CNOT6L: variants seen among roughly 807,000 people sequenced by gnomAD.
The protein encoded by CNOT6L is CCR4-NOT transcription complex subunit 6-like.
A neutral mutation model predicts 64.0 loss-of-function variants in CNOT6L; 7 were observed. The ratio of observed to expected loss-of-function variants is 0.11; its 90% CI spans 0.06 to 0.21. The LOEUF is 0.21. Ranked by LOEUF, CNOT6L falls within the 10% of genes least tolerant of loss-of-function variation. The pLI is 1.00. For synonymous variants in CNOT6L, 193 were observed against 243.4 expected, an observed-to-expected ratio of 0.79 and a Z score of 1.93; for missense variants, 245 against 669.0, an observed-to-expected ratio of 0.37 and a Z score of 6.99.
intron 8 of CNOT6L, among the ~76,000 whole-genome samples, chr4:77,737,470 G>A (rs1014549950): frequency 2.1e-5 from 3 of 139,946 alleles, no homozygotes; most frequent in Non-Finnish European, 4.5e-5. Context: ...CACCCAGGCT[G>A]GAGTGCAACG....
At chr4:77,762,901 C>A (rs1726399147) in intron 4 of CNOT6L, among the ~76,000 whole-genome samples, 1 of 152,104 alleles carries the variant, frequency 6.6e-6, no homozygotes, top group African/African-American at 2.4e-5. Flanking sequence ...TCAACATTCA[C>A]TGAACTATAC....
At chr4:77,760,151 C>T (rs1726034281) in intron 4 of CNOT6L, among the ~76,000 whole-genome samples, 2 of 152,030 alleles carry the variant, frequency 1.3e-5, no homozygotes, top group Non-Finnish European at 1.5e-5. Context: ...AGTGGGAGAA[C>T]TCCATGAGGC....
intron 1 of CNOT6L, among the ~76,000 whole-genome samples, chr4:77,788,610 C>A (rs1729732924): frequency 6.6e-6 from 1 of 152,114 alleles, no homozygotes; most frequent in Non-Finnish European, 1.5e-5. Context: ...TGCCTGTAGT[C>A]CCAGCTACTC....
intron 8 of CNOT6L, among the ~76,000 whole-genome samples, chr4:77,732,788 T>C (rs1257796944): frequency 1.3e-5 from 2 of 152,084 alleles, no homozygotes; most frequent in Non-Finnish European, 2.9e-5. Flanking sequence ...CAAAAAGCAC[T>C]GCAAGTTTAT....
intron 1 of CNOT6L, among the ~76,000 whole-genome samples, chr4:77,789,065 A>T (rs1023906923): frequency 2.0e-5 from 3 of 152,192 alleles, no homozygotes; most frequent in East Asian, 1.9e-4. Flanking sequence ...TCAATTTTTT[A>T]ATTTTAAGCA....
chr4:77,771,309 A>G (rs925400808), intron 4 of CNOT6L, among the ~76,000 whole-genome samples: 9 of 152,190 alleles, frequency 5.9e-5, no homozygotes, highest in African/African-American at 2.2e-4. Flanking sequence ...CAGCCTGGGC[A>G]ACAAAAGTGA....
chr4:77,805,157 C>A (rs1355652116), intron 1 of CNOT6L, among the ~76,000 whole-genome samples: 1 of 152,146 alleles, frequency 6.6e-6, no homozygotes, highest in African/African-American at 2.4e-5. Flanking sequence ...TACCAAGAAA[C>A]TACTGTATAT....
rs1003647325 is a variant in CNOT6L at position 77,716,361 on chromosome 4, A to G, written c.*4070T>C. On this transcript the variant is annotated 3_prime_UTR_variant, in exon 12 of 12. Transcript: ENST00000504123. ...GCATTGGGACACAGTCAATTTTATC[A>G]TTAGAAAATCTAGCCATGTATTAGG... 2 of 152,240 alleles carry G rather than the reference A, an allele frequency of 1.3e-5. 1 individual carries two copies. Among genetic ancestry groups the G allele is most frequent in the South Asian group, 4.1e-4 (2 of 4,826 alleles). 9.4% of individuals were successfully genotyped at this position (152,240 alleles called of 1,614,324 possible). A position where few individuals can be genotyped will look rare whatever the true frequency, so the allele number is the denominator to read the frequency against.
At chr4:77,790,942 G>C (rs913706435) in intron 1 of CNOT6L, among the ~76,000 whole-genome samples, 3 of 151,232 alleles carry the variant, frequency 2.0e-5, no homozygotes, top group African/African-American at 4.9e-5. Context: ...TTACAGGCAT[G>C]ATGAGCCACT....
intron 1 of CNOT6L, among the ~76,000 whole-genome samples, chr4:77,782,660 TA>T (rs1204811821): frequency 9.4e-6 from 1 of 105,864 alleles, no homozygotes; most frequent in African/African-American, 3.5e-5. Context: ...TTTTTTTTTT[TA>T]AAGAGACAGT....
At chr4:77,788,823 G>GA (rs1474969150) in intron 1 of CNOT6L, among the ~76,000 whole-genome samples, 183 of 144,768 alleles carry the variant, frequency 1.3e-3, no homozygotes, top group Middle Eastern at 7.0e-3. Context: ...ATTCTAAACG[G>GA]AAAAAAAAAA....
At chr4:77,809,286 G>A (rs959511721) in intron 1 of CNOT6L, among the ~76,000 whole-genome samples, 1 of 152,034 alleles carries the variant, frequency 6.6e-6, no homozygotes, top group Admixed American at 6.6e-5. Context: ...GGAGGGGAGT[G>A]GCTTTTCACA....
chr4:77,769,649 T>A (rs1727315637), intron 4 of CNOT6L, among the ~76,000 whole-genome samples: 1 of 152,164 alleles, frequency 6.6e-6, no homozygotes, highest in Non-Finnish European at 1.5e-5. Flanking sequence ...TTAAAACAGG[T>A]ATTTAAAATA....
chr4:77,723,985 T>C (rs1456667700), intron 11 of CNOT6L, among the ~76,000 whole-genome samples: 1 of 152,214 alleles, frequency 6.6e-6, no homozygotes, highest in Admixed American at 6.5e-5. Context: ...CTAGGCTGGG[T>C]ACAGTGGCTC....
rs1488913117 is a variant in CNOT6L, at chr4:77,716,320, G to C, written c.*4111C>G. On this transcript the variant is annotated 3_prime_UTR_variant, in exon 12 of 12. Transcript: ENST00000504123. ...AATATCTCAGAAACAGAATAAAAAA[G>C]CTTAGAATCAAATAAGCATTGGGAC... 1.3e-5 allele frequency: 2 copies of C among 151,976 alleles called. No homozygotes were observed. Among genetic ancestry groups the C allele is most frequent in the Admixed American group, 6.6e-5 (1 of 15,220 alleles). The allele number at this position is 151,976 out of a possible 1,614,324, so 9.4% of individuals were successfully genotyped here. A position where few individuals can be genotyped will look rare whatever the true frequency, so the allele number is the denominator to read the frequency against.
intron 4 of CNOT6L, among the ~76,000 whole-genome samples, chr4:77,765,391 G>T (rs1285950208): frequency 6.6e-6 from 1 of 151,602 alleles, no homozygotes; most frequent in African/African-American, 2.4e-5. Context: ...TTTCTCAAAA[G>T]TTCTCATAAC....
At chr4:77,783,506 T>C (rs954099382) in intron 1 of CNOT6L, among the ~76,000 whole-genome samples, 1 of 152,236 alleles carries the variant, frequency 6.6e-6, no homozygotes, top group Non-Finnish European at 1.5e-5. Context: ...CATTGTTCTC[T>C]ACTGTCACTA....
At chr4:77,729,950 T>C (rs951543477) in intron 9 of CNOT6L, among the ~76,000 whole-genome samples, 1 of 152,102 alleles carries the variant, frequency 6.6e-6, no homozygotes, top group African/African-American at 2.4e-5. Flanking sequence ...AGTAACTCTA[T>C]AGAGAAATCA....
intron 1 of CNOT6L, among the ~76,000 whole-genome samples, chr4:77,811,125 T>A (rs1460323149): frequency 6.6e-6 from 1 of 152,198 alleles, no homozygotes; most frequent in Admixed American, 6.5e-5. Context: ...CAGTAAGAAA[T>A]TCTCCACACA....
Sources: allele counts gnomAD v4.1 joint callset (sites outside exome capture counted in the v4.1 genomes callset), GRCh38; gene constraint gnomAD v4.1.1; transcripts MANE v1.5; gene names NCBI Gene and HGNC (gene_info 2026-07-23, HGNC 2026-07-21).